Variants in ST8SIA6 observed in about 807,000 individuals in gnomAD.
ST8SIA6 encodes alpha-2,8-sialyltransferase 8F.
In ST8SIA6, 39 loss-of-function variants were observed where a neutral mutation model predicts 33.6. The ratio of observed to expected loss-of-function variants is 1.16; its 90% CI spans 0.90 to 1.52. The LOEUF is 1.52. ST8SIA6 is among the 40% of genes most tolerant of loss of function. The pLI is 0.00. For missense variants in ST8SIA6, 441 were observed against 443.8 expected, an observed-to-expected ratio of 0.99 and a Z score of 0.06; for synonymous variants, 172 against 167.2, an observed-to-expected ratio of 1.03 and a Z score of -0.22.
intron 3 of ST8SIA6, among the ~76,000 whole-genome samples, chr10:17,372,087 G>A (rs1010914572): frequency 2.0e-5 from 3 of 152,098 alleles, no homozygotes; most frequent in African/African-American, 7.2e-5. Context: ...AATATTTAAT[G>A]TACGACTAGA....
Position 17,364,752 on chromosome 10 carries a change from G to T in ST8SIA6, c.291-5152C>A, listed in dbSNP as rs182317048. 2.3e-3 allele frequency among the ~76,000 whole-genome samples: 344 copies of T among 152,298 alleles called. 2 individuals carry two copies. Among genetic ancestry groups the T allele is most frequent in the Non-Finnish European group, 3.9e-3 (262 of 68,028 alleles). On this transcript the variant is annotated intron_variant, in intron 3 of 7. Transcript: ENST00000377602. The stretch of plus-strand genomic sequence containing the variant: ...CAGCTGTGGGCCAAGTTGGGGATAG[G>T]TGTATCTCTGCAACAGCTTCCTGTT...
Position 17,327,057 on chromosome 10 carries a change from A to G in ST8SIA6, c.592T>C (p.Ser198Pro), listed in dbSNP as rs770116925. The G allele has an allele frequency of 3.4e-5, 54 of 1,610,024 alleles. 1 individual carries two copies. In the Middle Eastern group the frequency reaches 9.9e-4, roughly 30 times the overall value. The change falls in exon 6 of 8, where the codon TCT (serine) becomes CCT (proline). Residue 198 changes from serine to proline, a missense_variant. Transcript: ENST00000377602. ...VVGNGGILNK[S>P]LCGTEIDKSD... ...TTATCTATTTCAGTTCCACAGAGAG[A>G]CTTATTCAGAATTCCCCCATTTCCG...
intron 2 of ST8SIA6, among the ~76,000 whole-genome samples, chr10:17,397,826 C>G (rs531336852): frequency 6.6e-6 from 1 of 152,172 alleles, no homozygotes; most frequent in South Asian, 2.1e-4. Flanking sequence ...GGGGGGAAAT[C>G]TTTAAAAAGG....
intron 6 of ST8SIA6, among the ~76,000 whole-genome samples, chr10:17,323,392 C>CT (rs760856694): frequency 0.058 from 6,505 of 111,864 alleles, 314 homozygotes; most frequent in South Asian, 0.082. Flanking sequence ...AAATATACAC[C>CT]TTTTTTTTTT....
chr10:17,416,773 T>C (rs914053220), intron 2 of ST8SIA6, among the ~76,000 whole-genome samples: 4 of 152,218 alleles, frequency 2.6e-5, no homozygotes, highest in African/African-American at 9.7e-5. Flanking sequence ...ACATTCTCTA[T>C]GCAGCTATCA....
chr10:17,368,915 T>C (rs1324439040), intron 3 of ST8SIA6, among the ~76,000 whole-genome samples: 2 of 152,174 alleles, frequency 1.3e-5, no homozygotes, highest in Non-Finnish European at 2.9e-5. Flanking sequence ...AGTCTGATGC[T>C]ATTGGCCTTG....
chr10:17,373,000 A>C (rs1485837414), intron 3 of ST8SIA6, among the ~76,000 whole-genome samples: 1 of 152,194 alleles, frequency 6.6e-6, no homozygotes, highest in Non-Finnish European at 1.5e-5. Context: ...GGAAAACAAA[A>C]GTTACCTACA....
chr10:17,411,775 T>G (rs1851459119), intron 2 of ST8SIA6, among the ~76,000 whole-genome samples: 1 of 152,238 alleles, frequency 6.6e-6, no homozygotes, highest in Non-Finnish European at 1.5e-5. Flanking sequence ...GTTCTTGTTC[T>G]TTAATTCCTG....
At chr10:17,420,021 A>T (rs1314949730) in intron 2 of ST8SIA6, among the ~76,000 whole-genome samples, 2 of 152,212 alleles carry the variant, frequency 1.3e-5, no homozygotes, top group East Asian at 3.8e-4. Flanking sequence ...CACGTTTTCC[A>T]AATGGATAAG....
chr10:17,428,000 G>GAAGAAA (rs1851989942), intron 2 of ST8SIA6, among the ~76,000 whole-genome samples: 1 of 152,180 alleles, frequency 6.6e-6, no homozygotes, highest in South Asian at 2.1e-4. Context: ...CTATTTGTAT[G>GAAGAAA]AAGAAAAAGA....
At chr10:17,377,069 C>A (rs1342472015) in intron 3 of ST8SIA6, among the ~76,000 whole-genome samples, 1 of 152,106 alleles carries the variant, frequency 6.6e-6, no homozygotes, top group Non-Finnish European at 1.5e-5. Context: ...TGAAAATAGC[C>A]AATTCCTGCC....
chr10:17,437,766 T>C (rs555484483), intron 2 of ST8SIA6, among the ~76,000 whole-genome samples: 1 of 146,370 alleles, frequency 6.8e-6, no homozygotes, highest in East Asian at 2.2e-4. Flanking sequence ...TTCTTTCTTC[T>C]GTCACCCAGG....
At chr10:17,408,836 A>G (rs1030521551) in intron 2 of ST8SIA6, among the ~76,000 whole-genome samples, 1 of 151,240 alleles carries the variant, frequency 6.6e-6, no homozygotes, top group Admixed American at 6.6e-5. Flanking sequence ...GCTCACCACA[A>G]CCTCTGCCTC....
rs555912270 is a variant in ST8SIA6, at chr10:17,316,241, G to T, written c.*4637C>A. ...TATGTTTGTATGTATGCATGCATAC[G>T]CTTTAAAGTAATTAAATGGCATTGT... On this transcript the variant is annotated 3_prime_UTR_variant, in exon 8 of 8. Transcript: ENST00000377602. Among the ~76,000 whole-genome samples, 1 of 151,856 alleles carries T rather than the reference G, an allele frequency of 6.6e-6. No individual in the cohort carries two copies. Among genetic ancestry groups the T allele is most frequent in the Non-Finnish European group, 1.5e-5 (1 of 67,878 alleles).
At chr10:17,422,875 GAGAT>G (rs1851820771) in intron 2 of ST8SIA6, among the ~76,000 whole-genome samples, 1 of 152,178 alleles carries the variant, frequency 6.6e-6, no homozygotes, top group Admixed American at 6.5e-5. Context: ...AGCATGCTAA[GAGAT>G]AGAGAAGCGA....
intron 2 of ST8SIA6, chr10:17,413,270 C>CA (rs1564452929): frequency 7.0e-6 from 1 of 143,414 alleles, no homozygotes; most frequent in Non-Finnish European, 1.5e-5. Flanking sequence ...TTCTCCTCTT[C>CA]TTTTTTTTTT....
Position 17,452,094 on chromosome 10 carries a change from T to C in ST8SIA6, c.200+1465A>G, listed in dbSNP as rs542760126. ...AATAGCCACAGGACTCGGGAAAAGA[T>C]GGAATGCTTCTCAGCTCATCAAGAA... On this transcript the variant is annotated intron_variant, in intron 2 of 7. Coordinates refer to ENST00000377602, the MANE Select transcript of ST8SIA6 (RefSeq NM_001004470.3). 1.6e-4 allele frequency among the ~76,000 whole-genome samples: 25 copies of C among 152,326 alleles called. No homozygotes were observed. The East Asian group carries it at 3.5e-3, about 21-fold the overall frequency.
At chr10:17,415,248 C>T (rs1418495333) in intron 2 of ST8SIA6, among the ~76,000 whole-genome samples, 1 of 152,154 alleles carries the variant, frequency 6.6e-6, no homozygotes, top group Non-Finnish European at 1.5e-5. Flanking sequence ...AAATATGACA[C>T]TTCAGACTTC....
At chr10:17,389,828 T>C (rs1850519997) in intron 3 of ST8SIA6, among the ~76,000 whole-genome samples, 2 of 152,080 alleles carry the variant, frequency 1.3e-5, no homozygotes, top group South Asian at 4.1e-4. Flanking sequence ...GAGGAGTTTT[T>C]TGGTTGATTT....
Sources: allele counts gnomAD v4.1 joint callset (sites outside exome capture counted in the v4.1 genomes callset), GRCh38; gene constraint gnomAD v4.1.1; transcripts MANE v1.5; gene names NCBI Gene and HGNC (gene_info 2026-07-23, HGNC 2026-07-21).